ERBB4: variants seen among roughly 807,000 people sequenced by gnomAD.
The protein encoded by ERBB4 is receptor tyrosine-protein kinase erbB-4.
ERBB4 carries 42 observed loss-of-function variants against 158.0 expected under a neutral mutation model. The ratio of observed to expected loss-of-function variants is 0.27; its 90% CI spans 0.21 to 0.34. The LOEUF is 0.34. Ranked by LOEUF, ERBB4 falls within the 10% of genes least tolerant of loss-of-function variation. The pLI is 1.00. For missense variants in ERBB4, 1,333 were observed against 1,624.1 expected, an observed-to-expected ratio of 0.82 and a Z score of 3.08; for synonymous variants, 583 against 558.7, an observed-to-expected ratio of 1.04 and a Z score of -0.61.
At chr2:211,728,719 C>T (rs2074347372) in intron 5 of ERBB4, among the ~76,000 whole-genome samples, 1 of 151,838 alleles carries the variant, frequency 6.6e-6, no homozygotes, top group Non-Finnish European at 1.5e-5. Context: ...AAAACAATAG[C>T]ATGGAGTCAA....
At chr2:212,165,190 T>A (rs760351189) in intron 1 of ERBB4, among the ~76,000 whole-genome samples, 4 of 152,024 alleles carry the variant, frequency 2.6e-5, no homozygotes, top group Non-Finnish European at 5.9e-5. Flanking sequence ...AGGATTAAGA[T>A]GAAACTGGTT....
intron 1 of ERBB4, among the ~76,000 whole-genome samples, chr2:212,428,777 T>C (rs533130589): frequency 8.8e-4 from 134 of 152,214 alleles, no homozygotes; most frequent in African/African-American, 3.1e-3. Context: ...GTTGAGCCCA[T>C]GCATTTGTTA....
chr2:212,460,988 G>A (rs976448278), intron 1 of ERBB4, among the ~76,000 whole-genome samples: 1 of 152,158 alleles, frequency 6.6e-6, no homozygotes, highest in East Asian at 1.9e-4. Flanking sequence ...CATTTCAGCT[G>A]CTACAATCAT....
At chr2:212,334,888 G>A (rs1423026948) in intron 1 of ERBB4, among the ~76,000 whole-genome samples, 1 of 151,798 alleles carries the variant, frequency 6.6e-6, no homozygotes, top group Non-Finnish European at 1.5e-5. Flanking sequence ...ATACGTCTGG[G>A]GACCATCATT....
chr2:211,593,405 T>C (rs538348781), intron 19 of ERBB4, among the ~76,000 whole-genome samples: 2 of 152,154 alleles, frequency 1.3e-5, no homozygotes, highest in Non-Finnish European at 2.9e-5. Context: ...GGCAAATCTA[T>C]CTTAAGGATT....
intron 1 of ERBB4, among the ~76,000 whole-genome samples, chr2:212,234,205 T>C: frequency 6.6e-6 from 1 of 152,098 alleles, no homozygotes; most frequent in East Asian, 1.9e-4. Context: ...ATTGTTCAAT[T>C]CCCAATTATG....
At chr2:212,094,577 A>T (rs904437790) in intron 2 of ERBB4, among the ~76,000 whole-genome samples, 15 of 151,294 alleles carry the variant, frequency 9.9e-5, no homozygotes, top group East Asian at 1.9e-4. Flanking sequence ...AAAAAAATAA[A>T]AAAAAAAAGA....
At chr2:212,286,604 T>TTTTTTTTTGTTTTG (rs1559928696) in intron 1 of ERBB4, among the ~76,000 whole-genome samples, 9 of 129,568 alleles carry the variant, frequency 6.9e-5, no homozygotes, top group African/African-American at 2.7e-4. Flanking sequence ...CTTTTTTTTT[T>TTTTTTTTTGTTTTG]TTTTTTTTTT....
At chr2:212,106,542 T>C (rs1350747384) in intron 2 of ERBB4, among the ~76,000 whole-genome samples, 1 of 152,194 alleles carries the variant, frequency 6.6e-6, no homozygotes, top group African/African-American at 2.4e-5. Context: ...CCTGGCAATG[T>C]GATAGAAAAG....
intron 20 of ERBB4, among the ~76,000 whole-genome samples, chr2:211,449,268 A>T (rs1361390592): frequency 2.0e-5 from 3 of 152,182 alleles, no homozygotes; most frequent in Non-Finnish European, 2.9e-5. Context: ...GTAGCAGAAT[A>T]CTGAAACTGG....
chr2:211,473,316 G>GAACT (rs2064876451), intron 20 of ERBB4, among the ~76,000 whole-genome samples: 2 of 152,052 alleles, frequency 1.3e-5, no homozygotes, highest in African/African-American at 2.4e-5. Flanking sequence ...GAAGAGAGTA[G>GAACT]GTCCCTGCCA....
intron 1 of ERBB4, among the ~76,000 whole-genome samples, chr2:212,267,911 T>C (rs1230949679): frequency 6.6e-6 from 1 of 151,840 alleles, no homozygotes; most frequent in Non-Finnish European, 1.5e-5. Flanking sequence ...ATTAGGTAAT[T>C]CTTAGTAAAT....
intron 3 of ERBB4, among the ~76,000 whole-genome samples, chr2:211,881,815 C>A (rs1333020301): frequency 6.6e-6 from 1 of 152,104 alleles, no homozygotes; most frequent in Non-Finnish European, 1.5e-5. Flanking sequence ...CTGTTAAGCT[C>A]ACTCTTTGTG....
At chr2:211,515,913 T>TATATATATATATATATATATATA (rs71054105) in intron 20 of ERBB4, among the ~76,000 whole-genome samples, 10 of 57,350 alleles carry the variant, frequency 1.7e-4, no homozygotes, top group African/African-American at 6.5e-4. Flanking sequence ...TATATATATA[T>TATATATATATATATATATATATA]TTTTTTTTTT....
chr2:211,480,427 G>C (rs2065054007), intron 20 of ERBB4, among the ~76,000 whole-genome samples: 1 of 152,066 alleles, frequency 6.6e-6, no homozygotes, highest in Non-Finnish European at 1.5e-5. Context: ...CCTTAGATCT[G>C]GTTGTTTGAA....
intron 3 of ERBB4, among the ~76,000 whole-genome samples, chr2:211,883,196 G>A (rs201630705): frequency 1.6e-4 from 24 of 152,078 alleles, no homozygotes; most frequent in African/African-American, 5.3e-4. Flanking sequence ...CTATCGCAAG[G>A]ACAAAAAACC....
chr2:212,402,487 G>C (rs918796181), intron 1 of ERBB4, among the ~76,000 whole-genome samples: 1 of 151,930 alleles, frequency 6.6e-6, no homozygotes, highest in Non-Finnish European at 1.5e-5. Context: ...ATACACACAC[G>C]AGTTCAAAGA....
chr2:212,188,027 G>A (rs902722280), intron 1 of ERBB4, among the ~76,000 whole-genome samples: 28 of 151,834 alleles, frequency 1.8e-4, no homozygotes, highest in Admixed American at 1.6e-3. Flanking sequence ...CAAATAAAAC[G>A]TTCAAATTTG....
intron 20 of ERBB4, among the ~76,000 whole-genome samples, chr2:211,551,659 A>T (rs1027360086): frequency 2.6e-5 from 4 of 152,150 alleles, no homozygotes; most frequent in Non-Finnish European, 4.4e-5. Flanking sequence ...ATTATTTTTT[A>T]AATTTCTATA....
Sources: allele counts gnomAD v4.1 joint callset (sites outside exome capture counted in the v4.1 genomes callset), GRCh38; gene constraint gnomAD v4.1.1; transcripts MANE v1.5; gene names NCBI Gene and HGNC (gene_info 2026-07-23, HGNC 2026-07-21).